The following SLC1A5 variants were observed in gnomAD, a reference collection of about 807,000 sequenced individuals.
The protein encoded by SLC1A5 is solute carrier family 1 member 5.
A neutral mutation model predicts 34.9 loss-of-function variants in SLC1A5; 25 were observed. The ratio of observed to expected loss-of-function variants is 0.72; its 90% CI spans 0.52 to 1.00. The LOEUF is 1.00. SLC1A5 is among the 50% of genes least tolerant of loss of function. The pLI, the probability that SLC1A5 is intolerant of heterozygous loss-of-function variation, is 0.00. For synonymous variants in SLC1A5, 351 were observed against 341.2 expected (o/e 1.03, Z -0.32); for missense variants, 637 against 740.0 (o/e 0.86, Z 1.61).
At chr19:46,778,248 G>A (rs1409539467) in intron 5 of SLC1A5, among the ~76,000 whole-genome samples, 2 of 152,142 alleles carry the variant, frequency 1.3e-5, no homozygotes, top group African/African-American at 2.4e-5. Context: ...GGCCAACATG[G>A]CGAAACCCCG....
intron 4 of SLC1A5, among the ~76,000 whole-genome samples, chr19:46,781,379 A>T (rs1302285847): frequency 6.6e-6 from 1 of 152,102 alleles, no homozygotes; most frequent in African/African-American, 2.4e-5. Flanking sequence ...TGGGCGGATC[A>T]CCTGAGGTCG....
intron 7 of SLC1A5, 146 bp downstream of exon 7, chr19:46,776,829 G>T: frequency 2.3e-6 from 2 of 852,672 alleles, no homozygotes; most frequent in Non-Finnish European, 3.6e-6. Context: ...TTGCCCTCAG[G>T]AATGCTCAAG....
At chr19:46,786,915 G>A (rs2122702020) in intron 1 of SLC1A5, among the ~76,000 whole-genome samples, 1 of 152,280 alleles carries the variant, frequency 6.6e-6, no homozygotes, top group South Asian at 2.1e-4. Context: ...TTATGTCCGA[G>A]TGACACGTGG....
chr19:46,777,178 CG>C, intron 6 of SLC1A5, 32 bp downstream of exon 6: 1 of 1,601,738 alleles, frequency 6.2e-7, no homozygotes, highest in Non-Finnish European at 8.5e-7. Context: ...AACAGGGGTC[CG>C]GGGGTCCCAT....
Position 46,782,367 on chromosome 19 carries a change from C to G in SLC1A5, c.824+16G>C. The G allele has an allele frequency of 6.5e-7, 1 of 1,543,366 alleles. No individual in the cohort carries two copies. Among genetic ancestry groups the G allele is most frequent in the Non-Finnish European group, 8.9e-7 (1 of 1,123,736 alleles). On this transcript the variant is annotated intron_variant, in intron 4 of 7. Transcript: ENST00000542575. Reference sequence around the variant, plus strand: ...TCCAACCCCACCCACCCCCAGCCTCCTCTCCCACCACCTACCACATGATCC... The same window carrying G: ...TCCAACCCCACCCACCCCCAGCCTCGTCTCCCACCACCTACCACATGATCC...
rs2122703532 is a variant in SLC1A5 at position 46,787,769 on chromosome 19, A to C, written c.197T>G (p.Val66Gly). The change falls in exon 1 of 8, where the codon GTG becomes GGG. Residue 66 changes from valine to glycine, a missense_variant. Physicochemically the swap from Val to Gly is moderately radical, Grantham distance 109. Transcript: ENST00000542575. This position sits in a 1 kb window ranked among gnomAD's most constrained non-coding sequence, Gnocchi z 5.2. ...CCCCGACACCCCCAGTCCCAGCGCC[A>C]CGCCGGCCACCACGGCCACCACTGT... ...LLTVVAVVAG[V>G]ALGLGVSGAG... 2 of 1,550,136 alleles carry C rather than the reference A, an allele frequency of 1.3e-6. No homozygotes were observed. The highest frequency in any genetic ancestry group is 1.7e-6 in the Non-Finnish European group (2 of 1,150,636).
In SLC1A5 at chr19:46,775,664, G is replaced by T; in HGVS notation, c.1472C>A (p.Ser491Ter). 1 of 1,614,026 alleles carries T rather than the reference G, an allele frequency of 6.2e-7. No individual in the cohort carries two copies. The highest frequency in any genetic ancestry group is 8.5e-7 in the Non-Finnish European group (1 of 1,180,004). Reference sequence around the variant, plus strand: ...TATCAACTCAGGCTCTGTGCTTCTCGACTCCGTACGGTCCACGTAATTTTG... The same window carrying T: ...TATCAACTCAGGCTCTGTGCTTCTCTACTCCGTACGGTCCACGTAATTTTG... ...LLQNYVDRTE[S>*]RSTEPELIQV... Residue 491 changes from serine (S) to a stop codon, truncating the protein, a stop_gained, in exon 8 of 8, where the codon TCG becomes TAG. Coordinates refer to ENST00000542575, the MANE Select transcript of SLC1A5 (RefSeq NM_005628.3). LOFTEE classifies it low-confidence loss of function (END_TRUNC).
At chr19:46,779,492 T>C (rs1281153443) in intron 4 of SLC1A5, among the ~76,000 whole-genome samples, 1 of 151,290 alleles carries the variant, frequency 6.6e-6, no homozygotes, top group African/African-American at 2.4e-5. Flanking sequence ...AGATTTGGAC[T>C]TCACATGGGA....
Position 46,784,137 on chromosome 19 carries a change from G to A in SLC1A5, c.617C>T (p.Thr206Ile). 6.2e-7 allele frequency: 1 copy of A among 1,612,896 alleles called. No individual in the cohort carries two copies. The highest frequency in any genetic ancestry group is 8.5e-7 in the Non-Finnish European group (1 of 1,178,974). ...GGTGATATTCCTCTCTTCATAGGTGGTAGAGTACTGTAGGTGGGGTTGGGA... is the reference window on the plus strand; with the variant it reads ...GGTGATATTCCTCTCTTCATAGGTGATAGAGTACTGTAGGTGGGGTTGGGA... The part of the protein sequence containing the change: ...LVSAAFRSYS[T>I]TYEERNITGT... The change falls in exon 3 of 8, where the codon ACC becomes ATC. Residue 206 changes from threonine (T) to isoleucine (I), a missense_variant. Physicochemically the swap from Thr to Ile is moderately conservative, Grantham distance 89 (BLOSUM62 -1). Coordinates refer to ENST00000542575, the MANE Select transcript of SLC1A5 (RefSeq NM_005628.3).
intron 1 of SLC1A5, 46 bp from the exon 2 acceptor site, chr19:46,784,605 G>A (rs1218256281): frequency 1.2e-6 from 2 of 1,613,968 alleles, no homozygotes; most frequent in East Asian, 2.2e-5. Context: ...CATAGTGGGA[G>A]GGCAGCATTG....
chr19:46,787,601 C>T lies in SLC1A5; in HGVS notation c.365G>A (p.Gly122Asp). 1 of 1,561,898 alleles carries T rather than the reference C, an allele frequency of 6.4e-7. No individual in the cohort carries two copies. Among genetic ancestry groups the T allele is most frequent in the Non-Finnish European group, 8.7e-7 (1 of 1,155,958 alleles). ...LIGGAASLDPGALGRLGAWAL... is the reference protein window; with the variant it reads ...LIGGAASLDPDALGRLGAWAL... ...CCAGGCGCCCAGACGGCCGAGCGCGCCGGGGTCCAGGCTGGCGGCGCCGCC... is the reference window on the plus strand; with the variant it reads ...CCAGGCGCCCAGACGGCCGAGCGCGTCGGGGTCCAGGCTGGCGGCGCCGCC... The change falls in exon 1 of 8, where the codon GGC (glycine) becomes GAC (aspartate). Residue 122 changes from glycine to aspartate, a missense_variant. By Grantham distance (94) the Gly-to-Asp change is moderately conservative (BLOSUM62 -1). Transcript: ENST00000542575. The surrounding 1 kb of genome is among the most constrained non-coding windows in gnomAD (Gnocchi z 5.2).
chr19:46,775,519 T>G lies in SLC1A5; in HGVS notation c.1617A>C (p.Ser539=). The G allele has an allele frequency of 6.2e-7, 1 of 1,609,848 alleles. No individual in the cohort carries two copies. Among genetic ancestry groups the G allele is most frequent in the Non-Finnish European group, 8.5e-7 (1 of 1,177,728 alleles). Residue 539 remains serine (S), a synonymous_variant, in exon 8 of 8, where the codon TCA becomes TCC. Coordinates refer to ENST00000542575, the MANE Select transcript of SLC1A5 (RefSeq NM_005628.3). ...AGGTCCCTCCCGGGGTTTACATGACTGATTCCTTCTCAGAGGCGACCGTGG... is the reference window on the plus strand; with the variant it reads ...AGGTCCCTCCCGGGGTTTACATGACGGATTCCTTCTCAGAGGCGACCGTGG... The part of the protein sequence containing the change: ...GDATVASEKE[S]VM
chr19:46,788,245 C>T lies in SLC1A5; in HGVS notation c.-280G>A. The T allele has an allele frequency of 3.6e-6, 1 of 279,016 alleles. No individual in the cohort carries two copies. The highest frequency in any genetic ancestry group is 6.1e-5 in the South Asian group (1 of 16,508). 17.3% of individuals were successfully genotyped at this position (279,016 alleles called of 1,614,324 possible). On this transcript the variant is annotated 5_prime_UTR_variant, in exon 1 of 8. Transcript: ENST00000542575. ...GTTCGGAGCGCCCGGGTTCCTTGGC[C>T]CTAGGAGCTGGGAATACGAGAGTTT...
intron 3 of SLC1A5, 113 bp from the exon 4 acceptor site, chr19:46,782,662 C>T (rs2055156784): frequency 8.2e-7 from 1 of 1,217,724 alleles, no homozygotes; most frequent in South Asian, 1.4e-5. Flanking sequence ...AGCCCTCAGA[C>T]CCCTTCCTCC....
intron 7 of SLC1A5, chr19:46,776,619 T>C: frequency 4.4e-6 from 1 of 225,388 alleles, no homozygotes; most frequent in South Asian, 8.3e-5. Flanking sequence ...ATCTAATCCT[T>C]AGGGAGAGAC....
At chr19:46,782,346 A>ACACC in intron 4 of SLC1A5, 37 bp downstream of exon 4, 2 of 567,986 alleles carry the variant, frequency 3.5e-6, no homozygotes, top group Non-Finnish European at 6.5e-6. Context: ...CGACCCTCCA[A>ACACC]CCCCACCCAC....
intron 7 of SLC1A5, 27 bp from the exon 8 acceptor site, chr19:46,775,774 T>G: frequency 6.2e-7 from 1 of 1,602,078 alleles, no homozygotes; most frequent in South Asian, 1.1e-5. Context: ...GACAGCAAAG[T>G]AAGCGGGAGG....
At position 46,788,034 on chromosome 19, in the gene SLC1A5, C is replaced by T. The variant is rs74649536; in HGVS notation, c.-69G>A. On this transcript the variant is annotated 5_prime_UTR_variant, in exon 1 of 8. Coordinates refer to ENST00000542575, the MANE Select transcript of SLC1A5 (RefSeq NM_005628.3). Reference sequence around the variant, plus strand: ...GAGCGCTTGGGCTCCTTCCCAGGACCCGACGTTCCTAGGACTGAGTTGAGT... The same window carrying T: ...GAGCGCTTGGGCTCCTTCCCAGGACTCGACGTTCCTAGGACTGAGTTGAGT... The T allele has an allele frequency of 5.2e-3, 7,382 of 1,425,566 alleles. 284 individuals are homozygous for T. The African/African-American group carries it at 0.091, about 18-fold the overall frequency. 88.3% of individuals were successfully genotyped at this position (1,425,566 alleles called of 1,614,324 possible).
At chr19:46,778,484 A>C (rs1366704770) in intron 5 of SLC1A5, among the ~76,000 whole-genome samples, 191 bp downstream of exon 5, 2 of 152,196 alleles carry the variant, frequency 1.3e-5, no homozygotes, top group Non-Finnish European at 2.9e-5. Context: ...AGTGTAAGAA[A>C]GAGGGAAATA....
Sources: allele counts gnomAD v4.1 joint callset (sites outside exome capture counted in the v4.1 genomes callset), GRCh38; gene constraint gnomAD v4.1.1; non-coding constraint Gnocchi (gnomAD v3.1); transcripts MANE v1.5; gene names NCBI Gene and HGNC (gene_info 2026-07-23, HGNC 2026-07-21).